The following TNPO1 variants were observed in gnomAD, a reference collection of about 807,000 sequenced individuals.
TNPO1 encodes the protein transportin 1.
In TNPO1, 8 loss-of-function variants were observed where a neutral mutation model predicts 119.5. That is an observed-to-expected ratio of 0.07 (90% CI 0.04 to 0.12). TNPO1 has a LOEUF of 0.12. Among genes scored for constraint, TNPO1 ranks in the 10% least tolerant of loss-of-function variants. The probability of loss-of-function intolerance (pLI) is 1.00; values close to 1 mark genes in which losing one functional copy is unlikely to be tolerated. For missense variants in TNPO1, 576 were observed against 1,089.8 expected (o/e 0.53, Z 6.64); for synonymous variants, 362 against 363.0 (o/e 1.00, Z 0.03).
Position 72,851,302 on chromosome 5 carries a change from C to A in TNPO1, c.188C>A (p.Thr63Lys). Residue 63 changes from threonine to lysine, a missense_variant, in exon 3 of 25, where the codon ACA becomes AAA. Physicochemically the swap from Thr to Lys is moderately conservative, Grantham distance 78. Around this residue, in one of 6 missense-constraint regions of TNPO1, gnomAD observed 310 missense variants for 583.0 expected, o/e 0.53. Coordinates refer to ENST00000337273, the MANE Select transcript of TNPO1 (RefSeq NM_002270.4). ...AACAACTACTTGATTTTTGTTCTTA[C>A]AAAATTAAAATCTGAAGGTAAGTAG... ...DFNNYLIFVL[T>K]KLKSEDEPTR... The A allele has an allele frequency of 6.3e-7, 1 of 1,590,664 alleles. No homozygotes were observed. Among genetic ancestry groups the A allele is most frequent in the South Asian group, 1.1e-5 (1 of 89,522 alleles).
At chr5:72,867,230 A>G (rs1286750589) in intron 6 of TNPO1, among the ~76,000 whole-genome samples, 2 of 152,108 alleles carry the variant, frequency 1.3e-5, no homozygotes, top group Non-Finnish European at 2.9e-5. Flanking sequence ...TCTGTTGTAC[A>G]TACTTTTAGC....
intron 12 of TNPO1, 97 bp downstream of exon 12, chr5:72,887,319 C>A: frequency 7.5e-7 from 1 of 1,328,212 alleles, no homozygotes; most frequent in Non-Finnish European, 1.0e-6. Context: ...TATTTTGAAC[C>A]AGATAACTAG....
At chr5:72,906,275 CTTTTTTTTT>C (rs869051297) in intron 24 of TNPO1, among the ~76,000 whole-genome samples, 10,480 of 54,126 alleles carry the variant, frequency 0.19, 1,942 homozygotes, top group East Asian at 0.37. Context: ...TTTTTTTTTT[CTTTTTTTTT>C]TTTTTTTTTT....
intron 20 of TNPO1, among the ~76,000 whole-genome samples, chr5:72,898,380 A>G (rs1749590997): frequency 6.6e-6 from 1 of 152,166 alleles, no homozygotes; most frequent in Admixed American, 6.5e-5. Context: ...TTATAAGATT[A>G]TATTTTAAGT....
intron 4 of TNPO1, among the ~76,000 whole-genome samples, chr5:72,857,595 A>T (rs1746104608): frequency 6.6e-6 from 1 of 152,078 alleles, no homozygotes; most frequent in African/African-American, 2.4e-5. Flanking sequence ...TCCATTTCGG[A>T]TCCAGGAGAG....
intron 9 of TNPO1, among the ~76,000 whole-genome samples, chr5:72,881,039 A>G (rs1748205030): frequency 6.6e-6 from 1 of 152,024 alleles, no homozygotes; most frequent in South Asian, 2.1e-4. Flanking sequence ...TATTTCTTGC[A>G]AACCTTACTA....
At chr5:72,835,117 A>C (rs1744644713) in intron 1 of TNPO1, among the ~76,000 whole-genome samples, 1 of 152,228 alleles carries the variant, frequency 6.6e-6, no homozygotes, top group African/African-American at 2.4e-5. Flanking sequence ...ATGTTACAAC[A>C]ACAAGGAAAT....
intron 2 of TNPO1, among the ~76,000 whole-genome samples, chr5:72,849,595 C>A (rs904418617): frequency 2.0e-5 from 3 of 152,176 alleles, no homozygotes; most frequent in Admixed American, 6.5e-5. Flanking sequence ...TAATTTAAAA[C>A]CTTCAATAGA....
intron 18 of TNPO1, among the ~76,000 whole-genome samples, chr5:72,895,501 T>C (rs1280856605): frequency 6.6e-6 from 1 of 152,072 alleles, no homozygotes; most frequent in Non-Finnish European, 1.5e-5. Flanking sequence ...GTCTAGTGGG[T>C]AGAAGCAAAG....
intron 9 of TNPO1, 84 bp downstream of exon 9, chr5:72,877,430 C>G (rs1747878218): frequency 1.4e-6 from 1 of 703,852 alleles, no homozygotes; most frequent in African/African-American, 1.8e-5. Flanking sequence ...AAAATTCATT[C>G]TTTTGCCATC....
rs576571406 is a variant in TNPO1, at chr5:72,848,024, G to A, written c.16-361G>A. ...CCCTTAAGTCAGTAGTAATCTGGACGGAATTAGAGATGGGTTGGGTTGGAG... is the reference window on the plus strand; with the variant it reads ...CCCTTAAGTCAGTAGTAATCTGGACAGAATTAGAGATGGGTTGGGTTGGAG... On this transcript the variant is annotated intron_variant, in intron 1 of 24. Transcript: ENST00000337273. 6.9e-6 allele frequency: 7 copies of A among 1,014,588 alleles called. No individual in the cohort carries two copies. In the South Asian group the frequency reaches 2.0e-4, roughly 30 times the overall value. The allele number at this position is 1,014,588 out of a possible 1,614,324, so 62.8% of individuals were successfully genotyped here. A position where few individuals can be genotyped will look rare whatever the true frequency, so the allele number is the denominator to read the frequency against.
intron 6 of TNPO1, among the ~76,000 whole-genome samples, chr5:72,869,242 G>T (rs1223948750): frequency 6.6e-6 from 1 of 151,902 alleles, no homozygotes; most frequent in Non-Finnish European, 1.5e-5. Flanking sequence ...TATAAAATTG[G>T]CAGAACTTTT....
intron 19 of TNPO1, 131 bp from the exon 20 acceptor site, chr5:72,896,925 A>T: frequency 2.1e-6 from 1 of 475,238 alleles, no homozygotes; most frequent in Non-Finnish European, 3.7e-6. Context: ...TAATTGCTTT[A>T]ATTTTAATTA....
At chr5:72,877,453 T>C in intron 9 of TNPO1, 107 bp downstream of exon 9, 1 of 598,224 alleles carries the variant, frequency 1.7e-6, no homozygotes, top group Non-Finnish European at 2.8e-6. Flanking sequence ...GGAGTGAGAT[T>C]CTAAAGAAGC....
At position 72,912,043 on chromosome 5, in the gene TNPO1, C is replaced by T. The variant is rs932669733; in HGVS notation, c.*3370C>T. The T allele has an allele frequency of 6.6e-6, 1 of 152,336 alleles. No individual in the cohort carries two copies. Among genetic ancestry groups the T allele is most frequent in the African/African-American group, 2.4e-5 (1 of 41,368 alleles). 9.4% of individuals were successfully genotyped at this position (152,336 alleles called of 1,614,324 possible). A position where few individuals can be genotyped will look rare whatever the true frequency, so the allele number is the denominator to read the frequency against. On this transcript the variant is annotated 3_prime_UTR_variant, in exon 25 of 25. Coordinates refer to ENST00000337273, the MANE Select transcript of TNPO1 (RefSeq NM_002270.4). ...GAAAGAATTTTGCTTTTTGTATTGT[C>T]TAATCTCTTCAATGACTTCATACTG...
intron 13 of TNPO1, among the ~76,000 whole-genome samples, chr5:72,889,559 GT>G (rs1748903878): frequency 6.6e-6 from 1 of 152,000 alleles, no homozygotes; most frequent in African/African-American, 2.4e-5. Context: ...AGACTTACAG[GT>G]TAGTAGGAAA....
At chr5:72,897,618 A>AT (rs201571251) in intron 20 of TNPO1, among the ~76,000 whole-genome samples, 20 of 144,848 alleles carry the variant, frequency 1.4e-4, no homozygotes, top group East Asian at 2.1e-4. Context: ...ATGTTATGGG[A>AT]TTTTTTTTTT....
At chr5:72,893,033 G>A in intron 15 of TNPO1, 106 bp from the exon 16 acceptor site, 1 of 807,662 alleles carries the variant, frequency 1.2e-6, no homozygotes, top group Non-Finnish European at 2.0e-6. Context: ...GAAACTAGTA[G>A]AGCAAGCTCA....
chr5:72,850,353 C>T (rs905983149), intron 2 of TNPO1, among the ~76,000 whole-genome samples: 5 of 152,154 alleles, frequency 3.3e-5, no homozygotes, highest in African/African-American at 1.2e-4. Context: ...GTAGTTACAC[C>T]TTGCAGTTTT....
Sources: allele counts gnomAD v4.1 joint callset (sites outside exome capture counted in the v4.1 genomes callset), GRCh38; gene constraint gnomAD v4.1.1; regional missense constraint gnomAD v4.1.1; transcripts MANE v1.5; gene names NCBI Gene and HGNC (gene_info 2026-07-23, HGNC 2026-07-21).